Variants in MTMR7 observed in about 807,000 individuals in gnomAD.
MTMR7 encodes phosphatidylinositol-3-phosphate phosphatase MTMR7.
A neutral mutation model predicts 81.2 loss-of-function variants in MTMR7; 76 were observed. That is an observed-to-expected ratio of 0.94 (90% CI 0.78 to 1.13). The LOEUF (loss-of-function observed/expected upper bound fraction) is 1.13, where lower values mean the gene tolerates loss of function less well. MTMR7 is among the 50% of genes most tolerant of loss of function. The pLI is 0.00. For missense variants in MTMR7, 1,044 were observed against 820.0 expected (o/e 1.27, Z -3.34); for synonymous variants, 372 against 289.8 (o/e 1.28, Z -2.88).
At chr8:17,339,635 T>G (rs1819349102) in intron 6 of MTMR7, among the ~76,000 whole-genome samples, 1 of 152,264 alleles carries the variant, frequency 6.6e-6, no homozygotes, top group Admixed American at 6.5e-5. Context: ...ATACCATATT[T>G]TGTAAATCCA....
At chr8:17,394,208 C>T (rs759704779) in intron 1 of MTMR7, among the ~76,000 whole-genome samples, 3 of 152,162 alleles carry the variant, frequency 2.0e-5, no homozygotes, top group Non-Finnish European at 4.4e-5. Flanking sequence ...CCCAAGAGAA[C>T]TGATAACATA....
intron 1 of MTMR7, among the ~76,000 whole-genome samples, chr8:17,402,952 T>C (rs886119563): frequency 1.3e-5 from 2 of 152,208 alleles, no homozygotes; most frequent in Non-Finnish European, 2.9e-5. Context: ...ACTGGGGTGA[T>C]ACAGTATCTC....
At chr8:17,369,876 A>T (rs1280491349) in intron 3 of MTMR7, among the ~76,000 whole-genome samples, 1 of 151,822 alleles carries the variant, frequency 6.6e-6, no homozygotes, top group Non-Finnish European at 1.5e-5. Context: ...CAGTCTCCTG[A>T]CTTTGCAATC....
intron 1 of MTMR7, among the ~76,000 whole-genome samples, chr8:17,403,949 G>C (rs1205089266): frequency 6.6e-6 from 1 of 152,108 alleles, no homozygotes; most frequent in African/African-American, 2.4e-5. Context: ...AGAATTCTTT[G>C]TCAGTTCCAA....
intron 1 of MTMR7, among the ~76,000 whole-genome samples, chr8:17,403,689 T>C (rs573658704): frequency 5.2e-4 from 79 of 152,350 alleles, no homozygotes; most frequent in Non-Finnish European, 1.1e-3. Flanking sequence ...ATATTTATTC[T>C]TCCAATCCAT....
At position 17,304,493 on chromosome 8, in the gene MTMR7, C is replaced by T; in HGVS notation, c.1379G>A (p.Trp460Ter). The T allele has an allele frequency of 1.2e-6, 2 of 1,613,810 alleles. No homozygotes were observed. The highest frequency in any genetic ancestry group is 1.7e-6 in the Non-Finnish European group (2 of 1,179,820). Residue 460 changes from tryptophan to a stop codon, truncating the protein, a stop_gained, in exon 12 of 14, where the codon TGG (tryptophan) becomes TAG (stop). Coordinates refer to ENST00000180173, the MANE Select transcript of MTMR7 (RefSeq NM_004686.5). LOFTEE classifies it high-confidence loss of function. The stretch of plus-strand genomic sequence containing the variant: ...GGCCCGATTCTTCCACAGGTGAGCC[C>T]ATAATGAGTATGTTCTTTCTTGAAT... ...LKIQERTYSL[W>*]AHLWKNRADY... is the part of the protein sequence containing the mutation.
chr8:17,356,161 T>A (rs1819883087), intron 4 of MTMR7, among the ~76,000 whole-genome samples: 1 of 152,180 alleles, frequency 6.6e-6, no homozygotes, highest in Admixed American at 6.5e-5. Flanking sequence ...TATACTATAT[T>A]CACCATATTG....
intron 1 of MTMR7, among the ~76,000 whole-genome samples, chr8:17,406,403 T>C (rs1224223693): frequency 6.6e-6 from 1 of 152,154 alleles, no homozygotes; most frequent in Admixed American, 6.5e-5. Context: ...TCAATATCAT[T>C]AGTCATTAGA....
chr8:17,382,749 A>G (rs1367555215), intron 1 of MTMR7, among the ~76,000 whole-genome samples: 1 of 152,226 alleles, frequency 6.6e-6, no homozygotes, highest in Non-Finnish European at 1.5e-5. Context: ...GAAGCTAAAA[A>G]TTCAGACAGA....
chr8:17,333,924 A>G (rs1819138344), intron 6 of MTMR7, among the ~76,000 whole-genome samples: 1 of 152,166 alleles, frequency 6.6e-6, no homozygotes, highest in Non-Finnish European at 1.5e-5. Flanking sequence ...AAAGAGAGAC[A>G]GACTACACAG....
intron 12 of MTMR7, 122 bp downstream of exon 12, chr8:17,304,257 G>C (rs1817307822): frequency 9.4e-7 from 1 of 1,062,074 alleles, no homozygotes; most frequent in Non-Finnish European, 1.3e-6. Context: ...TCTCCCTCTG[G>C]TGTCTTTTGT....
At position 17,313,328 on chromosome 8, in the gene MTMR7, A is replaced by C. The variant is rs1407912918; in HGVS notation, c.939T>G (p.Ile313Met). 1 of 1,613,414 alleles carries C rather than the reference A, an allele frequency of 6.2e-7. No homozygotes were observed. Among genetic ancestry groups the C allele is most frequent in the East Asian group, 2.2e-5 (1 of 44,890 alleles). The stretch of plus-strand genomic sequence containing the variant: ...AGATTCCTGCATCCATTATGGCTTT[A>C]ATGTGCCTTAACCAGCCAGAGTTCT... ...GLENSGWLRH[I>M]KAIMDAGIFI... is the part of the protein sequence containing the mutation. The change falls in exon 8 of 14, where the codon ATT becomes ATG. Residue 313 changes from isoleucine to methionine, a missense_variant. Ile to Met is a conservative substitution (Grantham distance 10). Coordinates refer to ENST00000180173, the MANE Select transcript of MTMR7 (RefSeq NM_004686.5).
chr8:17,358,741 G>A (rs776327294), intron 4 of MTMR7, among the ~76,000 whole-genome samples: 7 of 152,052 alleles, frequency 4.6e-5, no homozygotes, highest in Non-Finnish European at 7.4e-5. Context: ...CTACCTGTCT[G>A]TAATTTTTAA....
chr8:17,365,447 G>A (rs563991483), intron 3 of MTMR7, among the ~76,000 whole-genome samples: 12 of 152,180 alleles, frequency 7.9e-5, no homozygotes, highest in Admixed American at 2.6e-4. Context: ...CCCACTCTAG[G>A]AAGGTCATAT....
intron 7 of MTMR7, among the ~76,000 whole-genome samples, chr8:17,326,913 C>T (rs933948599): frequency 2.0e-5 from 3 of 152,152 alleles, no homozygotes; most frequent in African/African-American, 7.2e-5. Flanking sequence ...ATATACCGAC[C>T]ATAGCAAGTA....
At chr8:17,336,028 G>T (rs1284234166) in intron 6 of MTMR7, among the ~76,000 whole-genome samples, 1 of 152,188 alleles carries the variant, frequency 6.6e-6, no homozygotes, top group Non-Finnish European at 1.5e-5. Context: ...TCTTTGGAAA[G>T]CTCGGCAGGG....
At chr8:17,334,627 C>G (rs1320077434) in intron 6 of MTMR7, among the ~76,000 whole-genome samples, 7 of 152,208 alleles carry the variant, frequency 4.6e-5, no homozygotes. Flanking sequence ...AAAGTCAACA[C>G]TGTATAGACA....
At position 17,300,082 on chromosome 8, in the gene MTMR7, G is replaced by T. The variant is rs771656673; in HGVS notation, c.1763C>A (p.Ser588Ter). ...TTGTGAAGGGCTCCGGGATGGAAATGATTTCATATTCCCACTGTAATCCTG... is the reference window on the plus strand; with the variant it reads ...TTGTGAAGGGCTCCGGGATGGAAATTATTTCATATTCCCACTGTAATCCTG... ...TPQDYSGNMK[S>*]FPSRSPSQGD... is the part of the protein sequence containing the mutation. The change falls in exon 14 of 14, where the codon TCA becomes TAA. Residue 588 changes from serine (S) to a stop codon, truncating the protein, a stop_gained. Transcript: ENST00000180173. LOFTEE classifies it high-confidence loss of function. 1 of 1,614,152 alleles carries T rather than the reference G, an allele frequency of 6.2e-7. No individual in the cohort carries two copies. Among genetic ancestry groups the T allele is most frequent in the Admixed American group, 1.7e-5 (1 of 60,018 alleles).
chr8:17,412,994 G>C (rs1306000983), intron 1 of MTMR7, among the ~76,000 whole-genome samples: 1 of 152,196 alleles, frequency 6.6e-6, no homozygotes, highest in Non-Finnish European at 1.5e-5. Flanking sequence ...GCAGACAACT[G>C]AGGTTCCCTC....
Sources: gnomAD v4.1 joint callset for allele counts (sites outside exome capture counted in the v4.1 genomes callset) on GRCh38, gnomAD v4.1.1 for gene constraint, MANE v1.5 for transcripts, NCBI Gene and HGNC (gene_info 2026-07-23, HGNC 2026-07-21) for gene names.